Variants in TMPRSS7 observed in about 807,000 individuals in gnomAD.
TMPRSS7 encodes the protein transmembrane protease serine 7.
A neutral mutation model predicts 95.6 loss-of-function variants in TMPRSS7; 81 were observed. The observed-to-expected ratio is 0.85, with a 90% CI of 0.71 to 1.02. TMPRSS7 has a LOEUF of 1.02. Among genes scored for constraint, TMPRSS7 ranks in the 50% least tolerant of loss-of-function variants. The pLI, the probability that TMPRSS7 is intolerant of heterozygous loss-of-function variation, is 0.00. For synonymous variants in TMPRSS7, 364 were observed against 337.8 expected (o/e 1.08, Z -0.85); for missense variants, 945 against 955.2 (o/e 0.99, Z 0.14).
chr3:112,036,571 A>C (rs2073151661), intron 1 of TMPRSS7, among the ~76,000 whole-genome samples: 1 of 151,992 alleles, frequency 6.6e-6, no homozygotes. Context: ...TCTGTCAAAA[A>C]AAAAAAAAGG....
intron 9 of TMPRSS7, among the ~76,000 whole-genome samples, chr3:112,054,518 A>G (rs1309548498): frequency 6.6e-6 from 1 of 152,142 alleles, no homozygotes; most frequent in Non-Finnish European, 1.5e-5. Flanking sequence ...GTGTTAGTGG[A>G]ATCAGTGTGC....
intron 6 of TMPRSS7, chr3:112,047,426 T>C (rs2073293290): frequency 3.5e-6 from 2 of 570,652 alleles, no homozygotes; most frequent in Admixed American, 2.2e-5. Context: ...GGGCTGACTC[T>C]CATTGTCTGG....
chr3:112,053,480 A>C (rs1424991369), intron 9 of TMPRSS7, among the ~76,000 whole-genome samples: 1 of 152,194 alleles, frequency 6.6e-6, no homozygotes, highest in African/African-American at 2.4e-5. Context: ...CTATATGGGG[A>C]TGCCTAGTAG....
At chr3:112,061,880 C>G (rs200385589) in exon 11 of TMPRSS7, 7 of 1,602,728 alleles carry the variant, frequency 4.4e-6, no homozygotes, top group Non-Finnish European at 6.0e-6. Flanking sequence ...GGCTTTCAGA[C>G]AAGCCACTTT....
At chr3:112,067,759 A>AT (rs1158104328) in intron 13 of TMPRSS7, among the ~76,000 whole-genome samples, 1 of 152,112 alleles carries the variant, frequency 6.6e-6, no homozygotes, top group African/African-American at 2.4e-5. Context: ...GATTGCAAAC[A>AT]TTTTCTCCCA....
chr3:112,046,554 A>G (rs2073281677), intron 5 of TMPRSS7, among the ~76,000 whole-genome samples: 1 of 152,220 alleles, frequency 6.6e-6, no homozygotes. Context: ...TACACTAGGC[A>G]TATGGTAGGT....
At position 112,073,217 on chromosome 3, in the gene TMPRSS7, G is replaced by A. The variant is rs546990676; in HGVS notation, c.1667-1079G>A. Among the ~76,000 whole-genome samples the A allele has an allele frequency of 3.0e-4, 45 of 150,708 alleles. No individual in the cohort carries two copies. In the South Asian group the frequency reaches 6.8e-3, roughly 23 times the overall value. ...AGCAATTCCCCTGCCTCAGCCTCCC[G>A]AGTAGCTGGGATTACTGGTGCACAC... On this transcript the variant is annotated intron_variant, in intron 13 of 17. Coordinates refer to ENST00000452346, the Ensembl canonical transcript of TMPRSS7.
chr3:112,059,119 G>A (rs937919723), intron 10 of TMPRSS7, among the ~76,000 whole-genome samples: 15 of 152,196 alleles, frequency 9.9e-5, no homozygotes, highest in Non-Finnish European at 4.4e-5. Context: ...AGGTGTGAAT[G>A]CTCAGGGCAG....
intron 13 of TMPRSS7, among the ~76,000 whole-genome samples, chr3:112,071,485 G>A (rs143694039): frequency 0.025 from 3,859 of 152,228 alleles, 63 homozygotes; most frequent in Middle Eastern, 0.075. Context: ...GAATTTGAAT[G>A]TTGGCCTGCC....
chr3:112,040,816 T>C (rs1230954330), intron 2 of TMPRSS7, among the ~76,000 whole-genome samples: 1 of 152,176 alleles, frequency 6.6e-6, no homozygotes, highest in Non-Finnish European at 1.5e-5. Context: ...CAGGTTAGTT[T>C]TGATACAGGA....
intron 9 of TMPRSS7, among the ~76,000 whole-genome samples, chr3:112,056,476 A>G (rs149110841): frequency 6.6e-6 from 1 of 152,280 alleles, no homozygotes; most frequent in African/African-American, 2.4e-5. Context: ...GTGTGTGTGC[A>G]TGGACTGGTG....
At chr3:112,050,841 G>T in intron 9 of TMPRSS7, 58 bp downstream of exon 9, 2 of 815,230 alleles carry the variant, frequency 2.5e-6, no homozygotes, top group South Asian at 2.0e-5. Flanking sequence ...TTAATAGCAT[G>T]AATTTCATTC....
intron 13 of TMPRSS7, among the ~76,000 whole-genome samples, chr3:112,067,547 T>C (rs934364901): frequency 2.0e-5 from 3 of 152,220 alleles, no homozygotes; most frequent in African/African-American, 7.2e-5. Context: ...TAGTATCTCA[T>C]TGTGGTTTTG....
At chr3:112,077,040 C>A (rs200622876) in exon 16 of TMPRSS7, 1 of 1,614,044 alleles carries the variant, frequency 6.2e-7, no homozygotes, top group East Asian at 2.2e-5. Context: ...TGGCCTGAGA[C>A]CCTGAAACAG....
intron 6 of TMPRSS7, chr3:112,047,538 C>A (rs992956110): frequency 1.5e-6 from 1 of 667,078 alleles, no homozygotes; most frequent in Non-Finnish European, 2.7e-6. Context: ...TAACCCCAAC[C>A]AAACTATATA....
At chr3:112,042,412 C>A (rs1469880241) in intron 3 of TMPRSS7, among the ~76,000 whole-genome samples, 3 of 152,130 alleles carry the variant, frequency 2.0e-5, no homozygotes, top group East Asian at 1.9e-4. Flanking sequence ...AACCTTGATG[C>A]CCTGGCAATC....
intron 13 of TMPRSS7, among the ~76,000 whole-genome samples, chr3:112,072,194 A>C (rs1329930138): frequency 6.6e-6 from 1 of 152,154 alleles, no homozygotes; most frequent in Non-Finnish European, 1.5e-5. Context: ...TTTGCTTCTA[A>C]CAGTCAGGTC....
intron 6 of TMPRSS7, among the ~76,000 whole-genome samples, chr3:112,047,243 A>G (rs534469651): frequency 1.3e-5 from 2 of 152,216 alleles, no homozygotes. Context: ...TAAAAATATC[A>G]TCAGAACTCT....
At chr3:112,045,257 C>T (rs576446770) in intron 4 of TMPRSS7, among the ~76,000 whole-genome samples, 87 of 152,316 alleles carry the variant, frequency 5.7e-4, no homozygotes, top group Non-Finnish European at 1.0e-3. Context: ...AAGCAATTCT[C>T]CTGCCTCAGC....
Sources: allele counts gnomAD v4.1 joint callset (sites outside exome capture counted in the v4.1 genomes callset), GRCh38; gene constraint gnomAD v4.1.1; transcripts MANE v1.5; gene names NCBI Gene and HGNC (gene_info 2026-07-23, HGNC 2026-07-21).